Variants in CYBA observed in about 807,000 individuals in gnomAD.
CYBA encodes the protein cytochrome b-245 alpha chain, also known as cytochrome b-245 light chain.
CYBA carries 21 observed loss-of-function variants against 20.8 expected under a neutral mutation model. That is an observed-to-expected ratio of 1.01 (90% confidence interval 0.72 to 1.46). The LOEUF is 1.46. Among genes scored for constraint, CYBA ranks in the 40% most tolerant of loss-of-function variants. CYBA has a pLI of 0.00. For missense variants in CYBA, 344 were observed against 287.0 expected (o/e 1.20, Z -1.43); for synonymous variants, 164 against 127.5 (o/e 1.29, Z -1.93).
chr16:88,650,379 C>T (rs889923562), intron 1 of CYBA: 14 of 456,782 alleles, frequency 3.1e-5, no homozygotes, highest in Admixed American at 9.4e-5. Flanking sequence ...GCCATCCCAC[C>T]CCAAGAGCAA....
At position 88,646,849 on chromosome 16, in the gene CYBA, G is replaced by C. The variant is rs767688472; in HGVS notation, c.204-11C>G. 12 of 1,608,042 alleles carry C rather than the reference G, an allele frequency of 7.5e-6. No homozygotes were observed. The highest frequency in any genetic ancestry group is 3.3e-5 in the Admixed American group (2 of 59,992). ...ATGTACTTCTGTCCCCTGGGGGAGGGAGGAAGGCGAGACGGCGCGGCTGGG... is the reference window on the plus strand; with the variant it reads ...ATGTACTTCTGTCCCCTGGGGGAGGCAGGAAGGCGAGACGGCGCGGCTGGG... On this transcript the variant is annotated splice_polypyrimidine_tract_variant and intron_variant, in intron 3 of 5. Coordinates refer to ENST00000261623, the MANE Select transcript of CYBA (RefSeq NM_000101.4).
intron 1 of CYBA, chr16:88,650,380 C>G (rs1362247890): frequency 2.2e-6 from 1 of 456,906 alleles, no homozygotes; most frequent in Non-Finnish European, 4.4e-6. Context: ...CCATCCCACC[C>G]CAAGAGCAAA....
rs780561341 is a variant in CYBA at position 88,646,166 on chromosome 16, T to C, written c.319A>G (p.Thr107Ala). The change falls in exon 5 of 6, where the codon ACC becomes GCC. Residue 107 changes from threonine (T) to alanine (A), a missense_variant. By Grantham distance (58) the Thr-to-Ala change is moderately conservative. Transcript: ENST00000261623. ...GCCAGGCAGGCGGTCCCAAGGATGG[T>C]GGCCAGCAGGAAGCCGGCGGGCACC... ...LSVPAGFLLA[T>A]ILGTACLAIA... 8 of 1,558,770 alleles carry C rather than the reference T, an allele frequency of 5.1e-6. No individual in the cohort carries two copies. The highest frequency in any genetic ancestry group is 5.2e-6 in the Non-Finnish European group (6 of 1,154,076).
chr16:88,649,081 GC>G (rs1567610037), intron 1 of CYBA, among the ~76,000 whole-genome samples: 2 of 151,678 alleles, frequency 1.3e-5, no homozygotes, highest in Non-Finnish European at 2.9e-5. Context: ...GGGACTATGC[GC>G]GCCTGCCACC....
rs1036530683 is a variant in CYBA at position 88,647,034 on chromosome 16, C to G, written c.203+67G>C. The G allele has an allele frequency of 2.8e-5, 41 of 1,470,950 alleles. No homozygotes were observed. The African/African-American group carries it at 5.5e-4, about 20-fold the overall frequency. The allele number at this position is 1,470,950 out of a possible 1,614,324, so 91.1% of individuals were successfully genotyped here. A position where few individuals can be genotyped will look rare whatever the true frequency, so the allele number is the denominator to read the frequency against. ...CTCCAAGTGAGAAACCAAGCTCCAC[C>G]CAACCCTGTGAGCCCTGCCTGGGCC... On this transcript the variant is annotated intron_variant, in intron 3 of 5. Coordinates refer to ENST00000261623, the MANE Select transcript of CYBA (RefSeq NM_000101.4).
Position 88,648,079 on chromosome 16 carries a change from G to A in CYBA, c.94C>T (p.Arg32Cys), listed in dbSNP as rs568138482. Residue 32 changes from arginine to cysteine, a missense_variant, in exon 2 of 6, where the codon CGC becomes TGC. Transcript: ENST00000261623. ...ITGGIVATAG[R>C]FTQWYFGAYS... ...GCACCAAAGTACCACTGGGTGAAGC[G>A]CCCAGCTGTGGCCACGATGCCCCCG... 2.2e-5 allele frequency: 35 copies of A among 1,613,042 alleles called. No homozygotes were observed. Among genetic ancestry groups the A allele is most frequent in the Non-Finnish European group, 2.3e-5 (27 of 1,179,830 alleles).
intron 1 of CYBA, chr16:88,650,700 G>C: frequency 1.6e-6 from 1 of 616,394 alleles, no homozygotes; most frequent in Non-Finnish European, 2.9e-6. Flanking sequence ...TCGGGGGACC[G>C]AGAGAAGGGA....
intron 1 of CYBA, among the ~76,000 whole-genome samples, chr16:88,648,545 C>T (rs1233825969): frequency 6.6e-6 from 1 of 152,030 alleles, no homozygotes; most frequent in Non-Finnish European, 1.5e-5. Flanking sequence ...GCGGTTTTGC[C>T]TTAATTTCGG....
chr16:88,644,642 G>A lies in CYBA; in HGVS notation c.370-1071C>T, dbSNP rs555715029. ...AGATCCAGACCATCCTGGCTAACGC[G>A]GTGAAACCCCGTCTCTACTAAAAAT... On this transcript the variant is annotated intron_variant, in intron 5 of 5. Transcript: ENST00000261623. 15 of 166,272 alleles carry A rather than the reference G, an allele frequency of 9.0e-5. No homozygotes were observed. The South Asian group carries it at 2.0e-3, about 23-fold the overall frequency. The allele number at this position is 166,272 out of a possible 1,614,324, so 10.3% of individuals were successfully genotyped here.
intron 5 of CYBA, chr16:88,645,577 G>A (rs1907247620): frequency 6.4e-6 from 4 of 622,604 alleles, no homozygotes; most frequent in South Asian, 1.8e-5. Context: ...GCTGCGCCCT[G>A]TCCTCCCACC....
At position 88,643,740 on chromosome 16, in the gene CYBA, A is replaced by G. The variant is rs1485813269; in HGVS notation, c.370-169T>C. ...GGTTAAGTGACGCGCCCGAGGCCAC[A>G]CAGCCAGGACCTGGGTCGGCCTGAC... On this transcript the variant is annotated intron_variant, in intron 5 of 5. Coordinates refer to ENST00000261623, the MANE Select transcript of CYBA (RefSeq NM_000101.4). The surrounding 1 kb of genome is among the most constrained non-coding windows in gnomAD (Gnocchi z 4.3). 1.3e-5 allele frequency among the ~76,000 whole-genome samples: 2 copies of G among 152,166 alleles called. No homozygotes were observed. Among genetic ancestry groups the G allele is most frequent in the Non-Finnish European group, 2.9e-5 (2 of 68,024 alleles).
chr16:88,650,925 G>A, intron 1 of CYBA, 31 bp downstream of exon 1: 13 of 1,572,664 alleles, frequency 8.3e-6, no homozygotes, highest in Non-Finnish European at 1.1e-5. Context: ...CCTCCAGGCT[G>A]CAGCCTCCAC....
intron 5 of CYBA, among the ~76,000 whole-genome samples, chr16:88,644,465 C>A (rs1907203846): frequency 6.6e-6 from 1 of 152,220 alleles, no homozygotes; most frequent in Non-Finnish European, 1.5e-5. Flanking sequence ...ATGAAGGCAT[C>A]CCCAGTGTTT....
At chr16:88,646,297 G>C in intron 4 of CYBA, 100 bp from the exon 5 acceptor site, 2 of 292,108 alleles carry the variant, frequency 6.8e-6, no homozygotes, top group Non-Finnish European at 9.8e-6. Flanking sequence ...CTCAGGACAA[G>C]GCAGACTGCA....
chr16:88,644,960 C>A, intron 5 of CYBA: 1 of 593,046 alleles, frequency 1.7e-6, no homozygotes, highest in Non-Finnish European at 3.0e-6. Context: ...CCAAGCTCCA[C>A]ACGGCCAGCT....
intron 4 of CYBA, chr16:88,646,488 C>T (rs1907287220): frequency 1.4e-6 from 1 of 697,624 alleles, no homozygotes; most frequent in South Asian, 1.5e-5. Context: ...ACCAGGAAGC[C>T]CAGGCAAGAC....
At chr16:88,648,274 C>T (rs1378641517) in intron 1 of CYBA, among the ~76,000 whole-genome samples, 160 bp from the exon 2 acceptor site, 1 of 152,216 alleles carries the variant, frequency 6.6e-6, no homozygotes, top group African/African-American at 2.4e-5. Context: ...GGAGGCACCC[C>T]TCTGCACTGG....
intron 4 of CYBA, 106 bp downstream of exon 4, chr16:88,646,649 G>C (rs777919737): frequency 1.0e-6 from 1 of 966,400 alleles, no homozygotes; most frequent in Non-Finnish European, 1.7e-6. Context: ...AAACACTGAG[G>C]TAAGTGGGGG....
chr16:88,647,113 G>A lies in CYBA; in HGVS notation c.191C>T (p.Thr64Ile). The A allele has an allele frequency of 6.2e-7, 1 of 1,610,994 alleles. No homozygotes were observed. The highest frequency in any genetic ancestry group is 1.1e-5 in the South Asian group (1 of 91,020). ...GGAGGAGACTCACCAGCGCTCCATGGTGGAGCCCTTCTTCCTCTTCCCCCG... is the reference window on the plus strand; with the variant it reads ...GGAGGAGACTCACCAGCGCTCCATGATGGAGCCCTTCTTCCTCTTCCCCCG... Reference protein sequence around the residue: ...YPRGKRKKGSTMERWGQKYMT... With the variant: ...YPRGKRKKGSIMERWGQKYMT... Residue 64 changes from threonine (T) to isoleucine (I), a missense_variant, in exon 3 of 6, where the codon ACC becomes ATC. Physicochemically the swap from Thr to Ile is moderately conservative, Grantham distance 89. Coordinates refer to ENST00000261623, the MANE Select transcript of CYBA (RefSeq NM_000101.4).
Sources: gnomAD v4.1 joint callset for allele counts (sites outside exome capture counted in the v4.1 genomes callset) on GRCh38, gnomAD v4.1.1 for gene constraint, Gnocchi (gnomAD v3.1) non-coding constraint, MANE v1.5 for transcripts, NCBI Gene and HGNC (gene_info 2026-07-23, HGNC 2026-07-21) for gene names.